The following AADAC variants were observed in gnomAD, a reference collection of about 807,000 sequenced individuals.
AADAC encodes arylacetamide deacetylase (esterase).
Under a neutral mutation model 22.7 loss-of-function variants are expected in AADAC, and 17 were observed. The ratio of observed to expected loss-of-function variants is 0.75; its 90% CI spans 0.51 to 1.12. AADAC has a LOEUF of 1.12. Ranked by LOEUF, AADAC falls within the 50% of genes most tolerant of loss-of-function variation. The pLI, the probability that AADAC is intolerant of heterozygous loss-of-function variation, is 0.00. For missense variants in AADAC, 465 were observed against 473.9 expected (o/e 0.98, Z 0.17); for synonymous variants, 167 against 176.3 (o/e 0.95, Z 0.42).
intron 2 of AADAC, among the ~76,000 whole-genome samples, chr3:151,818,575 G>A (rs968097632): frequency 3.3e-5 from 5 of 151,958 alleles, no homozygotes; most frequent in African/African-American, 7.2e-5. Flanking sequence ...AGAAATAGGC[G>A]GATTGGTTAC....
Position 151,817,473 on chromosome 3 carries a change from T to G in AADAC, c.246T>G (p.Thr82=). The change falls in exon 2 of 5, where the codon ACT becomes ACG. Residue 82 remains threonine (T), a synonymous_variant. Coordinates refer to ENST00000232892, the MANE Select transcript of AADAC (RefSeq NM_001086.3). ...PPTSDENVTV[T]ETKFNNILVR... is the part of the protein sequence containing the mutation. ...CCTCAGATGAAAATGTCACTGTGAC[T>G]GAGACAAAATTCAACAACATTCTTG... 1 of 1,613,752 alleles carries G rather than the reference T, an allele frequency of 6.2e-7. No individual in the cohort carries two copies.
At chr3:151,824,321 T>C (rs1716375035) in intron 3 of AADAC, among the ~76,000 whole-genome samples, 2 of 151,936 alleles carry the variant, frequency 1.3e-5, no homozygotes, top group South Asian at 2.1e-4. Context: ...TGAAACCAGA[T>C]ACATAGGAGT....
At chr3:151,818,317 C>T (rs941176467) in intron 2 of AADAC, among the ~76,000 whole-genome samples, 1 of 151,292 alleles carries the variant, frequency 6.6e-6, no homozygotes, top group South Asian at 2.1e-4. Flanking sequence ...AATCTTTGAT[C>T]GATAAATAAG....
At chr3:151,814,353 G>C (rs898212822) in intron 1 of AADAC, 53 bp downstream of exon 1, 3 of 1,519,504 alleles carry the variant, frequency 2.0e-6, no homozygotes, top group Non-Finnish European at 2.7e-6. Context: ...ATTTGACCCA[G>C]AGAATTAAGT....
intron 1 of AADAC, among the ~76,000 whole-genome samples, chr3:151,816,886 T>C (rs565069979): frequency 2.0e-5 from 3 of 152,048 alleles, no homozygotes; most frequent in South Asian, 4.2e-4. Flanking sequence ...TCTTGTTATA[T>C]AGATGGATCC....
Position 151,820,397 on chromosome 3 carries a change from G to T in AADAC, c.376G>T (p.Asp126Tyr). ...CVGSAALSGY[D>Y]LLSRWTADRL... ...TTTTATTTCAGCTCTAAGTGGTTAT[G>T]ACTTGCTGTCAAGATGGACAGCAGA... is the stretch of plus-strand genomic sequence containing the variant. The change falls in exon 3 of 5, where the codon GAC (aspartate) becomes TAC (tyrosine). Residue 126 changes from aspartate (D) to tyrosine (Y), a missense_variant. Asp to Tyr is a radical substitution (Grantham distance 160). Transcript: ENST00000232892. 2 of 1,583,426 alleles carry T rather than the reference G, an allele frequency of 1.3e-6. No individual in the cohort carries two copies. The highest frequency in any genetic ancestry group is 1.2e-5 in the South Asian group (1 of 85,670).
chr3:151,817,418 T>C lies in AADAC; in HGVS notation c.191T>C (p.Val64Ala). The stretch of plus-strand genomic sequence containing the variant: ...CACCATTTTATGGATTCCTTTAAGG[T>C]TGTCGGGAGCTTTGATGAAGTCCCA... ...GLHHFMDSFK[V>A]VGSFDEVPPT... is the part of the protein sequence containing the mutation. Residue 64 changes from valine (V) to alanine (A), a missense_variant, in exon 2 of 5, where the codon GTT (valine) becomes GCT (alanine). Coordinates refer to ENST00000232892, the MANE Select transcript of AADAC (RefSeq NM_001086.3). 1.9e-6 allele frequency: 3 copies of C among 1,613,754 alleles called. No individual in the cohort carries two copies. Among genetic ancestry groups the C allele is most frequent in the Non-Finnish European group, 2.5e-6 (3 of 1,179,758 alleles).
At chr3:151,820,940 A>G (rs576666547) in intron 3 of AADAC, among the ~76,000 whole-genome samples, 8 of 151,218 alleles carry the variant, frequency 5.3e-5, no homozygotes, top group South Asian at 4.2e-4. Flanking sequence ...AGAAAAAAAA[A>G]TCTGTATATG....
intron 4 of AADAC, among the ~76,000 whole-genome samples, chr3:151,826,112 T>C (rs1393061350): frequency 6.6e-6 from 1 of 152,018 alleles, no homozygotes; most frequent in Non-Finnish European, 1.5e-5. Flanking sequence ...TTTTTCACAC[T>C]AAAAGCATTT....
chr3:151,814,280 C>G lies in AADAC; in HGVS notation c.118C>G (p.Leu40Val). The G allele has an allele frequency of 2.5e-6, 4 of 1,612,158 alleles. No homozygotes were observed. The highest frequency in any genetic ancestry group is 3.4e-6 in the Non-Finnish European group (4 of 1,179,120). ...GAGAATGATGTGGATAAACGCACAT[C>G]TGAAAACTATACAAAATTTGGTAAG... is the stretch of plus-strand genomic sequence containing the variant. ...PWRMMWINAH[L>V]KTIQNLATFV... Residue 40 changes from leucine to valine, a missense_variant, in exon 1 of 5, where the codon CTG becomes GTG. Physicochemically the swap from Leu to Val is conservative, Grantham distance 32. Transcript: ENST00000232892.
chr3:151,824,635 AT>A lies in AADAC; in HGVS notation c.432-27del, dbSNP rs781759241. On this transcript the variant is annotated intron_variant, in intron 3 of 4. Coordinates refer to ENST00000232892, the MANE Select transcript of AADAC (RefSeq NM_001086.3). ...CAGTCTAATCAAAACAAACAAAAAA[AT>A]GTGTAAACTATGTTTTCTCTCTACA... The A allele has an allele frequency of 4.3e-4, 623 of 1,452,164 alleles. 11 individuals carry two copies. The highest frequency in any genetic ancestry group is 4.9e-4 in the Non-Finnish European group (539 of 1,097,466). The allele number at this position is 1,452,164 out of a possible 1,614,324, so 90.0% of individuals were successfully genotyped here.
chr3:151,825,992 C>A (rs553998519), intron 4 of AADAC, among the ~76,000 whole-genome samples: 1 of 107,708 alleles, frequency 9.3e-6, no homozygotes, highest in Non-Finnish European at 2.0e-5. Flanking sequence ...TTAAGTAGAA[C>A]ATATGTAGAA....
At position 151,820,428 on chromosome 3, in the gene AADAC, T is replaced by A; in HGVS notation, c.407T>A (p.Leu136His). The change falls in exon 3 of 5, where the codon CTT becomes CAT. Residue 136 changes from leucine (L) to histidine (H), a missense_variant. Physicochemically the swap from Leu to His is moderately conservative, Grantham distance 99. Coordinates refer to ENST00000232892, the MANE Select transcript of AADAC (RefSeq NM_001086.3). The part of the protein sequence containing the change: ...DLLSRWTADR[L>H]DAVVVSTNYR... ...CTGTCAAGATGGACAGCAGACAGAC[T>A]TGATGCTGTCGTCGTATCAACCAAG... 3 of 1,590,008 alleles carry A rather than the reference T, an allele frequency of 1.9e-6. No homozygotes were observed. The highest frequency in any genetic ancestry group is 2.6e-6 in the Non-Finnish European group (3 of 1,166,396).
At chr3:151,826,925 AT>A (rs1202119985) in intron 4 of AADAC, among the ~76,000 whole-genome samples, 2 of 151,822 alleles carry the variant, frequency 1.3e-5, no homozygotes, top group South Asian at 2.1e-4. Flanking sequence ...TTAATAATAT[AT>A]TTTTTTGAGA....
rs755300015 is a variant in AADAC at position 151,817,550 on chromosome 3, T to C, written c.323T>C (p.Phe108Ser). ...RKSEALRRGL[F>S]YIHGGGWCVG... ...TCTGAAGCACTAAGAAGGGGGTTGT[T>C]TTACATCCATGGTGGAGGCTGGTGC... Residue 108 changes from phenylalanine to serine, a missense_variant, in exon 2 of 5, where the codon TTT becomes TCT. Transcript: ENST00000232892. The C allele has an allele frequency of 6.2e-7, 1 of 1,613,722 alleles. No individual in the cohort carries two copies.
At chr3:151,822,417 T>C (rs746595441) in intron 3 of AADAC, among the ~76,000 whole-genome samples, 3 of 152,004 alleles carry the variant, frequency 2.0e-5, no homozygotes, top group Non-Finnish European at 4.4e-5. Flanking sequence ...AACTGATAAA[T>C]GGATGAATAA....
In AADAC at chr3:151,817,255, T is replaced by A. The variant is rs1716026996; in HGVS notation, c.139-111T>A. On this transcript the variant is annotated intron_variant, in intron 1 of 4. Transcript: ENST00000232892. ...ACCAAGCAGGATTCATGCATGAAAATTTAGTTCATTCCATTTGAGTTTATT... is the reference window on the plus strand; with the variant it reads ...ACCAAGCAGGATTCATGCATGAAAAATTAGTTCATTCCATTTGAGTTTATT... The A allele has an allele frequency of 1.7e-5, 15 of 883,384 alleles. No homozygotes were observed. In the South Asian group the frequency reaches 2.6e-4, roughly 15 times the overall value. The allele number at this position is 883,384 out of a possible 1,614,324, so 54.7% of individuals were successfully genotyped here.
intron 3 of AADAC, among the ~76,000 whole-genome samples, chr3:151,822,942 T>C (rs550270781): frequency 6.6e-6 from 1 of 152,010 alleles, no homozygotes; most frequent in African/African-American, 2.4e-5. Flanking sequence ...ATACTTTTAA[T>C]GTGTTAATTT....
At chr3:151,826,080 T>C (rs1299706026) in intron 4 of AADAC, among the ~76,000 whole-genome samples, 2 of 151,976 alleles carry the variant, frequency 1.3e-5, no homozygotes, top group Non-Finnish European at 2.9e-5. Flanking sequence ...TTATTTGTTT[T>C]GTTAATTATA....
Sources: allele counts gnomAD v4.1 joint callset (sites outside exome capture counted in the v4.1 genomes callset), GRCh38; gene constraint gnomAD v4.1.1; transcripts MANE v1.5; gene names NCBI Gene and HGNC (gene_info 2026-07-23, HGNC 2026-07-21).